Variants in IL15 observed in about 807,000 individuals in gnomAD.
IL15 encodes the protein interleukin-15.
Under a neutral mutation model 19.6 loss-of-function variants are expected in IL15, and 11 were observed. The observed-to-expected ratio is 0.56, with a 90% confidence interval of 0.35 to 0.93. The LOEUF (loss-of-function observed/expected upper bound fraction) is 0.93, where lower values mean the gene tolerates loss of function less well. Among genes scored for constraint, IL15 ranks in the 40% least tolerant of loss-of-function variants. The pLI is 0.01. For missense variants in IL15, 197 were observed against 186.5 expected (o/e 1.06, Z -0.33); for synonymous variants, 58 against 59.6 (o/e 0.97, Z 0.12).
intron 7 of IL15, among the ~76,000 whole-genome samples, chr4:141,731,572 G>T (rs549429726): frequency 6.8e-4 from 104 of 152,338 alleles, no homozygotes; most frequent in African/African-American, 2.4e-3. Context: ...CATCATGACA[G>T]AGTGTGACAT....
chr4:141,689,714 C>G (rs545623414), intron 2 of IL15, among the ~76,000 whole-genome samples: 2 of 152,106 alleles, frequency 1.3e-5, no homozygotes, highest in African/African-American at 4.8e-5. Flanking sequence ...TACAGAGTGC[C>G]GATTGGTGTA....
intron 2 of IL15, among the ~76,000 whole-genome samples, chr4:141,683,579 A>G (rs1002407517): frequency 1.1e-4 from 17 of 151,988 alleles, no homozygotes; most frequent in South Asian, 2.1e-4. Context: ...TCTAAAAAAA[A>G]AAAAAAGAAA....
chr4:141,702,706 C>A (rs777374915), intron 2 of IL15, among the ~76,000 whole-genome samples: 1 of 152,188 alleles, frequency 6.6e-6, no homozygotes, highest in Admixed American at 6.5e-5. Flanking sequence ...CAGGAGGTGG[C>A]GCTTGCAAGA....
At chr4:141,712,715 G>C (rs1729751655) in intron 2 of IL15, among the ~76,000 whole-genome samples, 1 of 146,566 alleles carries the variant, frequency 6.8e-6, no homozygotes, top group Admixed American at 6.8e-5. Context: ...TTTAATTAAT[G>C]CTTTTTGATA....
chr4:141,654,824 T>A (rs1727535765), intron 1 of IL15, among the ~76,000 whole-genome samples: 1 of 152,122 alleles, frequency 6.6e-6, no homozygotes, highest in African/African-American at 2.4e-5. Flanking sequence ...AAATATATTT[T>A]TAAAATATTT....
chr4:141,677,764 C>T (rs1282271419), intron 2 of IL15, among the ~76,000 whole-genome samples: 2 of 152,164 alleles, frequency 1.3e-5, no homozygotes, highest in East Asian at 3.8e-4. Context: ...CTTTTAAGGG[C>T]TTGTATGATT....
intron 2 of IL15, among the ~76,000 whole-genome samples, chr4:141,684,342 A>G (rs531188949): frequency 5.3e-5 from 8 of 152,294 alleles, no homozygotes; most frequent in African/African-American, 1.4e-4. Flanking sequence ...CTGAGTTTTT[A>G]TACTAGCTGA....
At chr4:141,701,894 C>T (rs968434175) in intron 2 of IL15, among the ~76,000 whole-genome samples, 2 of 152,148 alleles carry the variant, frequency 1.3e-5, no homozygotes, top group African/African-American at 2.4e-5. Context: ...CTCCAAGTAG[C>T]GGGGAATTGT....
intron 2 of IL15, among the ~76,000 whole-genome samples, chr4:141,704,034 A>G (rs1402624177): frequency 1.3e-5 from 2 of 152,102 alleles, no homozygotes; most frequent in Non-Finnish European, 2.9e-5. Flanking sequence ...CTCCTTTCCA[A>G]TTTGGATGCC....
chr4:141,683,129 C>T (rs951491868), intron 2 of IL15, among the ~76,000 whole-genome samples: 2 of 150,522 alleles, frequency 1.3e-5, no homozygotes, highest in Non-Finnish European at 1.5e-5. Flanking sequence ...ATTAGCCCGG[C>T]GTGGTGGCAG....
At chr4:141,701,393 T>A (rs1729304888) in intron 2 of IL15, among the ~76,000 whole-genome samples, 2 of 152,180 alleles carry the variant, frequency 1.3e-5, no homozygotes, top group Admixed American at 1.3e-4. Flanking sequence ...TTGTATGAGT[T>A]CCTTAGTTAT....
In IL15 at chr4:141,718,217, G is replaced by C. The variant is rs202123172; in HGVS notation, c.-99-1149G>C. 14 of 152,122 alleles carry C rather than the reference G, an allele frequency of 9.2e-5. No homozygotes were observed. The East Asian group carries it at 2.5e-3, about 27-fold the overall frequency. 9.4% of individuals were successfully genotyped at this position (152,122 alleles called of 1,614,324 possible). A position where few individuals can be genotyped will look rare whatever the true frequency, so the allele number is the denominator to read the frequency against. ...TTTCATTGTTTACAAAAGTAGCTTC[G>C]TAAGGCCTAATTAAGAATTATATCA... On this transcript the variant is annotated intron_variant, in intron 2 of 7. Transcript: ENST00000320650.
chr4:141,725,968 C>T (rs187769101), intron 5 of IL15, among the ~76,000 whole-genome samples: 8 of 152,164 alleles, frequency 5.3e-5, no homozygotes, highest in Admixed American at 3.9e-4. Context: ...CATCACATGG[C>T]GAGGGGCTGA....
intron 2 of IL15, among the ~76,000 whole-genome samples, chr4:141,665,680 A>G (rs1327768779): frequency 6.6e-6 from 1 of 152,034 alleles, no homozygotes; most frequent in African/African-American, 2.4e-5. Context: ...ATCTAGTTTT[A>G]TTGATTTCTT....
intron 4 of IL15, chr4:141,721,418 C>T: frequency 1.6e-6 from 1 of 625,142 alleles, no homozygotes; most frequent in Non-Finnish European, 2.9e-6. Flanking sequence ...GAGAAAGCTG[C>T]TGCAAGCATA....
chr4:141,681,760 C>T (rs919445343), intron 2 of IL15, among the ~76,000 whole-genome samples: 1 of 152,168 alleles, frequency 6.6e-6, no homozygotes, highest in Non-Finnish European at 1.5e-5. Flanking sequence ...ATAAGACTTT[C>T]TTTTCAGTTA....
chr4:141,727,696 G>T (rs546767795), intron 5 of IL15, among the ~76,000 whole-genome samples: 1 of 152,170 alleles, frequency 6.6e-6, no homozygotes, highest in South Asian at 2.1e-4. Flanking sequence ...TGAGTGCATT[G>T]TATTAATGTC....
intron 1 of IL15, among the ~76,000 whole-genome samples, chr4:141,639,983 A>G (rs1726989417): frequency 6.6e-6 from 1 of 152,206 alleles, no homozygotes; most frequent in African/African-American, 2.4e-5. Flanking sequence ...CTATATGTGT[A>G]TATATACTGT....
chr4:141,717,871 G>A (rs1392777777), intron 2 of IL15: 1 of 152,098 alleles, frequency 6.6e-6, no homozygotes, highest in Non-Finnish European at 1.5e-5. Context: ...ATGTTGGTCA[G>A]GCTGATCTCA....
Sources: allele counts gnomAD v4.1 joint callset (sites outside exome capture counted in the v4.1 genomes callset), GRCh38; gene constraint gnomAD v4.1.1; transcripts MANE v1.5; gene names NCBI Gene and HGNC (gene_info 2026-07-23, HGNC 2026-07-21).